Variants in RBM28 observed in about 807,000 individuals in gnomAD.
RBM28 encodes RNA binding motif protein 28.
A neutral mutation model predicts 98.3 loss-of-function variants in RBM28; 78 were observed. The observed-to-expected ratio is 0.79, with a 90% CI of 0.66 to 0.96. The LOEUF (loss-of-function observed/expected upper bound fraction) is 0.96, where lower values mean the gene tolerates loss of function less well. Among genes scored for constraint, RBM28 ranks in the 40% least tolerant of loss-of-function variants. The probability of loss-of-function intolerance (pLI) is 0.00; values close to 1 mark genes in which losing one functional copy is unlikely to be tolerated. For synonymous variants in RBM28, 306 were observed against 330.9 expected (o/e 0.92, Z 0.82); for missense variants, 838 against 913.0 (o/e 0.92, Z 1.06).
intron 13 of RBM28, among the ~76,000 whole-genome samples, chr7:128,323,096 C>T (rs1356804576): frequency 6.6e-6 from 1 of 152,074 alleles, no homozygotes; most frequent in Non-Finnish European, 1.5e-5. Context: ...GAGATTATAA[C>T]TCCTCCCAAC....
At position 128,302,003 on chromosome 7, in the gene RBM28, G is replaced by T. The variant is rs1002845554; in HGVS notation, c.*8794C>A. The T allele has an allele frequency of 6.6e-6, 1 of 152,158 alleles. No homozygotes were observed. The highest frequency in any genetic ancestry group is 1.5e-5 in the Non-Finnish European group (1 of 68,022). The allele number at this position is 152,158 out of a possible 1,614,324, so 9.4% of individuals were successfully genotyped here. ...GAAGGTCTGCAAGCAGAGGGGTAAG[G>T]GACTGTTTGCCTCCTACAGATTTCC... On this transcript the variant is annotated 3_prime_UTR_variant, in exon 19 of 19. Transcript: ENST00000223073.
At position 128,309,279 on chromosome 7, in the gene RBM28, G is replaced by A. The variant is rs1795929236; in HGVS notation, c.*1518C>T. 6.6e-6 allele frequency: 1 copy of A among 152,166 alleles called. No individual in the cohort carries two copies. The highest frequency in any genetic ancestry group is 1.9e-4 in the East Asian group (1 of 5,166). The allele number at this position is 152,166 out of a possible 1,614,324, so 9.4% of individuals were successfully genotyped here. On this transcript the variant is annotated 3_prime_UTR_variant, in exon 19 of 19. Coordinates refer to ENST00000223073, the MANE Select transcript of RBM28 (RefSeq NM_018077.3). ...CTAACTGGAGAGACAAACAATTTCA[G>A]ATAGAGATTAGTGCTAGAAAGAGAC...
rs1429440923 is a variant in RBM28 at position 128,309,318 on chromosome 7, T to TA, written c.*1478dup. 4.0e-5 allele frequency: 6 copies of TA among 151,882 alleles called. No homozygotes were observed. Among genetic ancestry groups the TA allele is most frequent in the African/African-American group, 1.2e-4 (5 of 41,346 alleles). 9.4% of individuals were successfully genotyped at this position (151,882 alleles called of 1,614,324 possible). A position where few individuals can be genotyped will look rare whatever the true frequency, so the allele number is the denominator to read the frequency against. ...CTAGAAAGAGACAAATGATTTCAGATAGAGATTAGTGCTAGAAAGAAACAG... is the reference window on the plus strand; with the variant it reads ...CTAGAAAGAGACAAATGATTTCAGATAAGAGATTAGTGCTAGAAAGAAACAG... On this transcript the variant is annotated 3_prime_UTR_variant, in exon 19 of 19. Coordinates refer to ENST00000223073, the MANE Select transcript of RBM28 (RefSeq NM_018077.3).
At chr7:128,323,732 G>A (rs991950704) in intron 12 of RBM28, 141 bp from the exon 13 acceptor site, 1 of 877,372 alleles carries the variant, frequency 1.1e-6, no homozygotes, top group Non-Finnish European at 1.8e-6. Context: ...CATTTGGTTA[G>A]GTCCAGAAAT....
In RBM28 at chr7:128,306,063, C is replaced by T. The variant is rs1795861705; in HGVS notation, c.*4734G>A. 1 of 152,204 alleles carries T rather than the reference C, an allele frequency of 6.6e-6. No homozygotes were observed. The highest frequency in any genetic ancestry group is 2.4e-5 in the African/African-American group (1 of 41,456). 9.4% of individuals were successfully genotyped at this position (152,204 alleles called of 1,614,324 possible). On this transcript the variant is annotated 3_prime_UTR_variant, in exon 19 of 19. Coordinates refer to ENST00000223073, the MANE Select transcript of RBM28 (RefSeq NM_018077.3). Reference sequence around the variant, plus strand: ...GCTAGTTCTTATAGTGGCTCATGATCTACTTGGGAAGGCAAGACCTAAAGA... The same window carrying T: ...GCTAGTTCTTATAGTGGCTCATGATTTACTTGGGAAGGCAAGACCTAAAGA...
intron 18 of RBM28, chr7:128,312,966 T>A: frequency 1.7e-6 from 1 of 591,510 alleles, no homozygotes; most frequent in Non-Finnish European, 3.0e-6. Flanking sequence ...ACAAGGAGAC[T>A]GCTGAAACAC....
In RBM28 at chr7:128,337,182, AAT is replaced by A; in HGVS notation, c.560_561del (p.Asp187ValfsTer7). On this transcript the variant is annotated frameshift_variant, in exon 6 of 19. Transcript: ENST00000223073. LOFTEE classifies it high-confidence loss of function. ...KEIKGRTVAV[D>X]WAVAKDKYKD... ...TTATATTTATCCTTTGCCACGGCCC[AAT>A]CCACAGCCACTGTCCGGCCTGTCAA... 6.2e-7 allele frequency: 1 copy of A among 1,614,192 alleles called. No homozygotes were observed. Among genetic ancestry groups the A allele is most frequent in the South Asian group, 1.1e-5 (1 of 91,086 alleles).
chr7:128,342,115 C>T (rs1323952542), intron 1 of RBM28, among the ~76,000 whole-genome samples: 1 of 152,090 alleles, frequency 6.6e-6, no homozygotes, highest in Non-Finnish European at 1.5e-5. Flanking sequence ...GCTGTGATCG[C>T]ACCACTGCAC....
chr7:128,323,024 T>A (rs1476231281), intron 13 of RBM28, among the ~76,000 whole-genome samples: 1 of 151,964 alleles, frequency 6.6e-6, no homozygotes, highest in African/African-American at 2.4e-5. Flanking sequence ...GGAATATGAG[T>A]TATCGGTTAA....
In RBM28 at chr7:128,300,456, G is replaced by C. The variant is rs1416278796; in HGVS notation, c.*10341C>G. The C allele has an allele frequency of 6.6e-6, 1 of 152,292 alleles. No individual in the cohort carries two copies. The highest frequency in any genetic ancestry group is 1.5e-5 in the Non-Finnish European group (1 of 68,096). 9.4% of individuals were successfully genotyped at this position (152,292 alleles called of 1,614,324 possible). Reference sequence around the variant, plus strand: ...CAGCTCCTGGGGGAACACTGGCACAGACGGGTGCACAGTTAATATTCAGTT... The same window carrying C: ...CAGCTCCTGGGGGAACACTGGCACACACGGGTGCACAGTTAATATTCAGTT... On this transcript the variant is annotated 3_prime_UTR_variant, in exon 19 of 19. Coordinates refer to ENST00000223073, the MANE Select transcript of RBM28 (RefSeq NM_018077.3).
intron 9 of RBM28, among the ~76,000 whole-genome samples, chr7:128,331,271 A>G (rs1203118844): frequency 1.3e-5 from 2 of 152,074 alleles, no homozygotes; most frequent in Non-Finnish European, 2.9e-5. Flanking sequence ...GTATACATAT[A>G]AAATTTTAAC....
Position 128,321,423 on chromosome 7 carries a change from A to G in RBM28, c.1406T>C (p.Phe469Ser), listed in dbSNP as rs1796231624. Reference sequence around the variant, plus strand: ...GAGTTTCTGATGCTTCAGCAGCTCAAACTGAAAGAACAACCAATGGTTAAC... The same window carrying G: ...GAGTTTCTGATGCTTCAGCAGCTCAGACTGAAAGAACAACCAATGGTTAAC... ...SAADMAKRERFELLKHQKLKD... is the reference protein window; with the variant it reads ...SAADMAKRERSELLKHQKLKD... The change falls in exon 14 of 19, where the codon TTT becomes TCT. Residue 469 changes from phenylalanine to serine, a missense_variant and splice_region_variant. Coordinates refer to ENST00000223073, the MANE Select transcript of RBM28 (RefSeq NM_018077.3). 1 of 1,614,158 alleles carries G rather than the reference A, an allele frequency of 6.2e-7. No individual in the cohort carries two copies. The highest frequency in any genetic ancestry group is 8.5e-7 in the Non-Finnish European group (1 of 1,179,984).
intron 1 of RBM28, among the ~76,000 whole-genome samples, chr7:128,341,813 T>C (rs1486376451): frequency 1.3e-5 from 2 of 152,250 alleles, no homozygotes; most frequent in Non-Finnish European, 1.5e-5. Context: ...TATTTAAAAC[T>C]TAAAAGTTTT....
chr7:128,318,181 G>C, intron 14 of RBM28, 75 bp from the exon 15 acceptor site: 1 of 1,433,020 alleles, frequency 7.0e-7, no homozygotes, highest in South Asian at 1.2e-5. Context: ...CTTTAATAGA[G>C]TCAATAAGAA....
chr7:128,327,927 A>G (rs578212794), intron 10 of RBM28, among the ~76,000 whole-genome samples: 1 of 152,344 alleles, frequency 6.6e-6, no homozygotes, highest in South Asian at 2.1e-4. Flanking sequence ...AGATGCTGCC[A>G]TATTTCCTAG....
chr7:128,331,942 T>C (rs1443776606), intron 9 of RBM28, among the ~76,000 whole-genome samples: 1 of 152,224 alleles, frequency 6.6e-6, no homozygotes, highest in Non-Finnish European at 1.5e-5. Flanking sequence ...AGCTACATTA[T>C]TTCTTTTAAT....
rs550924867 is a variant in RBM28 at position 128,342,564 on chromosome 7, C to A, written c.118+1112G>T. ...AGGTGTAGTGACACTCGCCTGTAATCCCAGCTACTTGGGAGGCTGAGGCAG... is the reference window on the plus strand; with the variant it reads ...AGGTGTAGTGACACTCGCCTGTAATACCAGCTACTTGGGAGGCTGAGGCAG... On this transcript the variant is annotated intron_variant, in intron 1 of 18. Transcript: ENST00000223073. Among the ~76,000 whole-genome samples the A allele has an allele frequency of 2.0e-3, 312 of 152,244 alleles. 3 individuals carry two copies. Among genetic ancestry groups the A allele is most frequent in the Admixed American group, 3.5e-3 (54 of 15,288 alleles).
At chr7:128,325,192 C>T (rs6959976) in intron 11 of RBM28, among the ~76,000 whole-genome samples, 4,417 of 152,154 alleles carry the variant, frequency 0.029, 193 homozygotes, top group African/African-American at 0.1. Context: ...CTGGGCCTCA[C>T]AATATTTAGT....
chr7:128,326,027 G>T (rs760384636), intron 10 of RBM28, 136 bp from the exon 11 acceptor site: 1 of 748,190 alleles, frequency 1.3e-6, no homozygotes, highest in South Asian at 1.5e-5. Context: ...CCATGTAGCC[G>T]GGTGCAGTGG....
Sources: allele counts gnomAD v4.1 joint callset (sites outside exome capture counted in the v4.1 genomes callset), GRCh38; gene constraint gnomAD v4.1.1; transcripts MANE v1.5; gene names NCBI Gene and HGNC (gene_info 2026-07-23, HGNC 2026-07-21).